The following GALNT14 variants were observed in gnomAD, a reference collection of about 807,000 sequenced individuals.
The protein encoded by GALNT14 is UDP-GalNAc:polypeptide N-acetylgalactosaminyltransferase 14.
GALNT14 carries 60 observed loss-of-function variants against 77.5 expected under a neutral mutation model. The observed-to-expected ratio is 0.77, with a 90% CI of 0.63 to 0.96. The LOEUF is 0.96. Ranked by LOEUF, GALNT14 falls within the 40% of genes least tolerant of loss-of-function variation. GALNT14 has a pLI of 0.00. For synonymous variants in GALNT14, 280 were observed against 281.7 expected (o/e 0.99, Z 0.06); for missense variants, 710 against 731.0 (o/e 0.97, Z 0.33).
chr2:31,133,689 T>C (rs1313509094), intron 1 of GALNT14, among the ~76,000 whole-genome samples: 2 of 152,354 alleles, frequency 1.3e-5, no homozygotes, highest in Admixed American at 1.3e-4. Flanking sequence ...AGTTATTGTA[T>C]GATTCTCCAA....
At chr2:30,929,322 A>T in intron 11 of GALNT14, 73 bp downstream of exon 11, 1 of 1,168,878 alleles carries the variant, frequency 8.6e-7, no homozygotes, top group Non-Finnish European at 1.3e-6. Flanking sequence ...GCCTATCGGC[A>T]CCCATTTGCA....
chr2:31,054,457 C>T (rs977040827), intron 1 of GALNT14, among the ~76,000 whole-genome samples: 2 of 152,188 alleles, frequency 1.3e-5, no homozygotes, highest in African/African-American at 4.8e-5. Context: ...TTGTCCATGT[C>T]TGGGCTTTTC....
At chr2:31,036,202 G>A (rs1326099752) in intron 1 of GALNT14, among the ~76,000 whole-genome samples, 3 of 152,034 alleles carry the variant, frequency 2.0e-5, no homozygotes, top group African/African-American at 7.2e-5. Flanking sequence ...TTATGTCTTT[G>A]TTCCTCTATT....
intron 2 of GALNT14, among the ~76,000 whole-genome samples, chr2:30,978,846 A>G (rs1036964988): frequency 2.6e-5 from 4 of 152,178 alleles, no homozygotes; most frequent in Non-Finnish European, 4.4e-5. Context: ...GGTGATAGAC[A>G]GTAAGCTGAT....
intron 1 of GALNT14, among the ~76,000 whole-genome samples, chr2:31,068,507 CAAAAA>C (rs56916863): frequency 2.9e-5 from 3 of 104,338 alleles, no homozygotes; most frequent in Admixed American, 1.0e-4. Context: ...GACCCCGTCT[CAAAAA>C]AAAAAAAAAA....
At chr2:30,951,318 G>T (rs1189932264) in intron 6 of GALNT14, among the ~76,000 whole-genome samples, 1 of 152,164 alleles carries the variant, frequency 6.6e-6, no homozygotes, top group Non-Finnish European at 1.5e-5. Flanking sequence ...TATGCTAAGT[G>T]AAAGGAACCA....
In GALNT14 at chr2:30,921,948, C is replaced by T. The variant is rs535853472; in HGVS notation, c.1380+2171G>A. On this transcript the variant is annotated intron_variant, in intron 13 of 14. Transcript: ENST00000349752. ...ACGTCCAGCTCAAATGTCAAGAGTG[C>T]TGAGATTAAGGAATGCTGATCTAGC... 7.2e-5 allele frequency among the ~76,000 whole-genome samples: 11 copies of T among 152,212 alleles called. No individual in the cohort carries two copies. The Middle Eastern group carries it at 0.02, about 282-fold the overall frequency.
At chr2:31,109,853 G>A (rs952971404) in intron 1 of GALNT14, among the ~76,000 whole-genome samples, 3 of 152,128 alleles carry the variant, frequency 2.0e-5, no homozygotes, top group Non-Finnish European at 4.4e-5. Flanking sequence ...AGGTCCAAAT[G>A]GGATACTCAG....
At chr2:30,941,963 C>A (rs1437790744) in intron 9 of GALNT14, among the ~76,000 whole-genome samples, 1 of 152,220 alleles carries the variant, frequency 6.6e-6, no homozygotes, top group Non-Finnish European at 1.5e-5. Flanking sequence ...TGGTTCTCAA[C>A]ATCCATGCAG....
chr2:31,127,342 G>A (rs1236822344), intron 1 of GALNT14, among the ~76,000 whole-genome samples: 2 of 152,144 alleles, frequency 1.3e-5, no homozygotes, highest in Non-Finnish European at 2.9e-5. Flanking sequence ...ACTAAGAAAG[G>A]ATTTTATATT....
At chr2:31,107,583 G>A (rs1217214505) in intron 1 of GALNT14, among the ~76,000 whole-genome samples, 1 of 152,148 alleles carries the variant, frequency 6.6e-6, no homozygotes, top group African/African-American at 2.4e-5. Flanking sequence ...AGGTTGTCTT[G>A]TACAGCAGCC....
At chr2:31,137,312 A>G (rs1033597281) in intron 1 of GALNT14, among the ~76,000 whole-genome samples, 2 of 152,214 alleles carry the variant, frequency 1.3e-5, no homozygotes, top group African/African-American at 4.8e-5. Flanking sequence ...AGGAGTTGGA[A>G]AAGCCACTTG....
At chr2:31,012,407 C>T (rs1426214056) in intron 1 of GALNT14, among the ~76,000 whole-genome samples, 1 of 152,198 alleles carries the variant, frequency 6.6e-6, no homozygotes, top group Non-Finnish European at 1.5e-5. Flanking sequence ...TTTATTGGGT[C>T]TCTTCCACAA....
chr2:31,069,985 T>C (rs1018927658), intron 1 of GALNT14, among the ~76,000 whole-genome samples: 5 of 151,972 alleles, frequency 3.3e-5, no homozygotes, highest in Non-Finnish European at 5.9e-5. Flanking sequence ...GGAGGATGGC[T>C]TAATCAACCG....
intron 1 of GALNT14, among the ~76,000 whole-genome samples, chr2:31,090,800 C>A (rs1676695040): frequency 6.6e-6 from 1 of 152,010 alleles, no homozygotes; most frequent in African/African-American, 2.4e-5. Context: ...GGAAGGCAGT[C>A]CCTTCATCTT....
At position 30,932,197 on chromosome 2, in the gene GALNT14, G is replaced by T; in HGVS notation, c.932-3C>A. 6.7e-7 allele frequency: 1 copy of T among 1,493,826 alleles called. No individual in the cohort carries two copies. The allele number at this position is 1,493,826 out of a possible 1,614,324, so 92.5% of individuals were successfully genotyped here. The stretch of plus-strand genomic sequence containing the variant: ...CATCCACACTCGGAAGGAGATTTCT[G>T]CAAGACAGTCACGCCCCTCCTATGA... On this transcript the variant is annotated splice_region_variant and splice_polypyrimidine_tract_variant and intron_variant, in intron 9 of 14. Coordinates refer to ENST00000349752, the MANE Select transcript of GALNT14 (RefSeq NM_024572.4).
At chr2:31,035,597 ATATACACACACACACACACC>A (rs1180421661) in intron 1 of GALNT14, among the ~76,000 whole-genome samples, 1,899 of 110,370 alleles carry the variant, frequency 0.017, 64 homozygotes, top group African/African-American at 0.076. Flanking sequence ...ATACATATAC[ATATACACACACACACACACC>A]TACACACACA....
chr2:31,098,924 C>T (rs1677128519), intron 1 of GALNT14, among the ~76,000 whole-genome samples: 1 of 151,986 alleles, frequency 6.6e-6, no homozygotes, highest in Non-Finnish European at 1.5e-5. Context: ...GATCTTCATC[C>T]TCATCGTCAC....
intron 1 of GALNT14, chr2:31,129,454 C>T (rs1405089995): frequency 3.1e-5 from 31 of 985,310 alleles, no homozygotes; most frequent in Non-Finnish European, 3.3e-5. Context: ...ACCACCTGCC[C>T]ACCATAAGGA....
Sources: allele counts gnomAD v4.1 joint callset (sites outside exome capture counted in the v4.1 genomes callset), GRCh38; gene constraint gnomAD v4.1.1; transcripts MANE v1.5; gene names NCBI Gene and HGNC (gene_info 2026-07-23, HGNC 2026-07-21).